Variants in ADGRB3 observed in about 807,000 individuals in gnomAD.
The protein encoded by ADGRB3 is brain-specific angiogenesis inhibitor 3.
ADGRB3 carries 37 observed loss-of-function variants against 193.4 expected under a neutral mutation model. That is an observed-to-expected ratio of 0.19 (90% CI 0.15 to 0.25). The LOEUF (loss-of-function observed/expected upper bound fraction) is 0.25. Among genes scored for constraint, ADGRB3 ranks in the 10% least tolerant of loss-of-function variants. ADGRB3 has a pLI of 1.00. For synonymous variants in ADGRB3, 690 were observed against 644.2 expected (o/e 1.07, Z -1.08); for missense variants, 1,637 against 1,852.9 (o/e 0.88, Z 2.14).
At chr6:68,779,860 A>G (rs971801872) in intron 3 of ADGRB3, among the ~76,000 whole-genome samples, 1 of 152,080 alleles carries the variant, frequency 6.6e-6, no homozygotes, top group African/African-American at 2.4e-5. Context: ...TATTCTAGCT[A>G]TTCCTGTGTG....
chr6:69,031,107 T>G (rs145235917), intron 13 of ADGRB3, among the ~76,000 whole-genome samples: 1 of 76,656 alleles, frequency 1.3e-5, no homozygotes, highest in Non-Finnish European at 3.0e-5. Flanking sequence ...TTCTCTTCTC[T>G]TCTCTTCTCT....
At chr6:69,331,715 A>G (rs1561989942) in intron 23 of ADGRB3, 3 of 985,256 alleles carry the variant, frequency 3.0e-6, no homozygotes, top group Admixed American at 6.1e-5. Flanking sequence ...CTTCTAGGTT[A>G]ATGCCAATAT....
chr6:69,110,443 T>C (rs1250045315), intron 17 of ADGRB3, among the ~76,000 whole-genome samples: 1 of 152,124 alleles, frequency 6.6e-6, no homozygotes, highest in Non-Finnish European at 1.5e-5. Context: ...CCACAATAAG[T>C]TAATTAGGAA....
chr6:69,115,746 T>G (rs1773513891), intron 17 of ADGRB3, among the ~76,000 whole-genome samples: 1 of 152,238 alleles, frequency 6.6e-6, no homozygotes, highest in Non-Finnish European at 1.5e-5. Flanking sequence ...AGCTGATGGC[T>G]TCCCCATTTG....
Position 68,723,846 on chromosome 6 carries a change from C to T in ADGRB3, c.757+84414C>T, listed in dbSNP as rs746498516. 2.6e-5 allele frequency among the ~76,000 whole-genome samples: 4 copies of T among 151,522 alleles called. No homozygotes were observed. The East Asian group carries it at 7.8e-4, about 30-fold the overall frequency. On this transcript the variant is annotated intron_variant, in intron 3 of 31. Coordinates refer to ENST00000370598, the MANE Select transcript of ADGRB3 (RefSeq NM_001704.3). ...CAACTGGAGATTATTTTGCCCCCAG[C>T]GGACATTTGTCAATGCTTGATAACA... is the stretch of plus-strand genomic sequence containing the variant.
intron 17 of ADGRB3, among the ~76,000 whole-genome samples, chr6:69,135,342 C>T (rs1774121462): frequency 6.6e-6 from 1 of 151,252 alleles, no homozygotes; most frequent in African/African-American, 2.4e-5. Context: ...TCTTTAAATA[C>T]AGTGTTTACA....
At chr6:68,780,551 A>G (rs1007814143) in intron 3 of ADGRB3, among the ~76,000 whole-genome samples, 2 of 152,128 alleles carry the variant, frequency 1.3e-5, no homozygotes, top group Non-Finnish European at 2.9e-5. Context: ...GGAGTGATTA[A>G]GAAATGGATG....
In ADGRB3 at chr6:69,170,688, T is replaced by G. The variant is rs115147617; in HGVS notation, c.2481-62602T>G. 2.6e-3 allele frequency among the ~76,000 whole-genome samples: 402 copies of G among 152,312 alleles called. 1 individual carries two copies. Among genetic ancestry groups the G allele is most frequent in the African/African-American group, 9.5e-3 (395 of 41,562 alleles). On this transcript the variant is annotated intron_variant, in intron 17 of 31. Coordinates refer to ENST00000370598, the MANE Select transcript of ADGRB3 (RefSeq NM_001704.3). ...CTGCCGTAAAACTGCACAGGTAAAGTCGTATGGTATTGGAGAAGAGGAAGA... is the reference window on the plus strand; with the variant it reads ...CTGCCGTAAAACTGCACAGGTAAAGGCGTATGGTATTGGAGAAGAGGAAGA...
Position 68,739,312 on chromosome 6 carries a change from G to T in ADGRB3, c.757+99880G>T, listed in dbSNP as rs146712625. 8.1e-4 allele frequency among the ~76,000 whole-genome samples: 123 copies of T among 152,306 alleles called. 1 individual carries two copies. The highest frequency in any genetic ancestry group is 2.7e-3 in the African/African-American group (113 of 41,570). On this transcript the variant is annotated intron_variant, in intron 3 of 31. Coordinates refer to ENST00000370598, the MANE Select transcript of ADGRB3 (RefSeq NM_001704.3). ...TGGCAAATTAATTGTATATTGGCAA[G>T]GTATGTGTGGTCAAGTGAGGGTTTT...
At chr6:69,347,408 A>T (rs1339730637) in intron 26 of ADGRB3, among the ~76,000 whole-genome samples, 1 of 152,172 alleles carries the variant, frequency 6.6e-6, no homozygotes, top group Non-Finnish European at 1.5e-5. Flanking sequence ...TAAAAGCTTT[A>T]TCCTTGTCAG....
chr6:68,877,330 A>C (rs894101003), intron 3 of ADGRB3, among the ~76,000 whole-genome samples: 7 of 152,020 alleles, frequency 4.6e-5, no homozygotes, highest in Non-Finnish European at 4.4e-5. Flanking sequence ...ACTTGCCACC[A>C]TTTAGAAAAA....
At chr6:69,294,551 C>A (rs558593636) in intron 20 of ADGRB3, among the ~76,000 whole-genome samples, 1 of 152,158 alleles carries the variant, frequency 6.6e-6, no homozygotes, top group South Asian at 2.1e-4. Flanking sequence ...CTCTACAATT[C>A]GCTCCGACAC....
At chr6:68,685,791 G>A (rs567837539) in intron 3 of ADGRB3, among the ~76,000 whole-genome samples, 2 of 152,228 alleles carry the variant, frequency 1.3e-5, no homozygotes, top group East Asian at 3.9e-4. Context: ...TACTCTGGAG[G>A]CTGAGGCAGA....
chr6:68,636,596 TA>T (rs1767964595), intron 1 of ADGRB3, among the ~76,000 whole-genome samples: 1 of 151,984 alleles, frequency 6.6e-6, no homozygotes, highest in Middle Eastern at 3.2e-3. Context: ...GGTAATGATT[TA>T]TTTTTTATTA....
At chr6:69,060,264 CCTT>C (rs1253068059) in intron 15 of ADGRB3, among the ~76,000 whole-genome samples, 3 of 147,044 alleles carry the variant, frequency 2.0e-5, no homozygotes, top group African/African-American at 7.8e-5. Context: ...CTCTGTCTCT[CCTT>C]CTCTCTCAGC....
chr6:68,941,151 A>G (rs1023193732), intron 5 of ADGRB3, among the ~76,000 whole-genome samples: 1 of 152,196 alleles, frequency 6.6e-6, no homozygotes, highest in African/African-American at 2.4e-5. Context: ...GAACTAGACC[A>G]TTTATAGATT....
Position 69,239,141 on chromosome 6 carries a change from G to T in ADGRB3, c.2729G>T (p.Arg910Ile). The change falls in exon 20 of 32, where the codon AGA becomes ATA. Residue 910 changes from arginine (R) to isoleucine (I), a missense_variant. Coordinates refer to ENST00000370598, the MANE Select transcript of ADGRB3 (RefSeq NM_001704.3). ...CTGGCTAGGTACATACGCTCTGAGAGATCCATAATACTAATTAACTTCTGC... is the reference window on the plus strand; with the variant it reads ...CTGGCTAGGTACATACGCTCTGAGATATCCATAATACTAATTAACTTCTGC... ...AALWRYIRSE[R>I]SIILINFCLS... 1.9e-6 allele frequency: 3 copies of T among 1,599,354 alleles called. No individual in the cohort carries two copies. Among genetic ancestry groups the T allele is most frequent in the Non-Finnish European group, 2.6e-6 (3 of 1,167,774 alleles).
At chr6:68,661,877 G>C (rs1768671021) in intron 3 of ADGRB3, among the ~76,000 whole-genome samples, 1 of 151,234 alleles carries the variant, frequency 6.6e-6, no homozygotes, top group South Asian at 2.1e-4. Flanking sequence ...GGCTTCTGCA[G>C]TAATCCAAAA....
intron 17 of ADGRB3, among the ~76,000 whole-genome samples, chr6:69,228,593 T>A (rs908922746): frequency 2.6e-5 from 4 of 152,186 alleles, no homozygotes; most frequent in Admixed American, 6.5e-5. Flanking sequence ...AGGCCCAACA[T>A]AGTGGATGAC....
Sources: gnomAD v4.1 joint callset for allele counts (sites outside exome capture counted in the v4.1 genomes callset) on GRCh38, gnomAD v4.1.1 for gene constraint, MANE v1.5 for transcripts, NCBI Gene and HGNC (gene_info 2026-07-23, HGNC 2026-07-21) for gene names.